The following RAP1B variants were observed in gnomAD, a reference collection of about 807,000 sequenced individuals.
The protein encoded by RAP1B is ras-related protein Rap-1b.
RAP1B carries 1 observed loss-of-function variant against 27.5 expected under a neutral mutation model. The observed-to-expected ratio is 0.04, with a 90% CI of 0.01 to 0.17. RAP1B has a LOEUF of 0.17. Ranked by LOEUF, RAP1B falls within the 10% of genes least tolerant of loss-of-function variation. The pLI is 1.00. For missense variants in RAP1B, 84 were observed against 214.8 expected (o/e 0.39, Z 3.81); for synonymous variants, 75 against 73.1 (o/e 1.03, Z -0.13).
intron 1 of RAP1B, among the ~76,000 whole-genome samples, chr12:68,622,139 C>T (rs13377938): frequency 0.052 from 7,927 of 152,196 alleles, 673 homozygotes; most frequent in African/African-American, 0.18. Context: ...CAAGTTAACT[C>T]CTCTCTTAGG....
At chr12:68,655,457 T>G (rs1378925082) in intron 5 of RAP1B, among the ~76,000 whole-genome samples, 2 of 152,070 alleles carry the variant, frequency 1.3e-5, no homozygotes, top group Non-Finnish European at 2.9e-5. Flanking sequence ...CCTACATAAT[T>G]ACAGCAACCT....
chr12:68,648,674 C>CTTT, intron 1 of RAP1B, 25 bp from the exon 2 acceptor site: 8 of 1,223,166 alleles, frequency 6.5e-6, no homozygotes, highest in South Asian at 4.1e-5. Flanking sequence ...ACTTAGAATT[C>CTTT]TTTTTTTTTT....
intron 1 of RAP1B, among the ~76,000 whole-genome samples, chr12:68,637,623 AAAAAAC>A (rs1462485780): frequency 8.0e-5 from 12 of 150,616 alleles, no homozygotes; most frequent in Non-Finnish European, 1.6e-4. Flanking sequence ...AAAAAAAAAA[AAAAAAC>A]AAGATGCCAG....
chr12:68,640,912 T>C (rs950455477), intron 1 of RAP1B: 3 of 152,382 alleles, frequency 2.0e-5, no homozygotes, highest in Middle Eastern at 3.4e-3. Flanking sequence ...AGAATTATTA[T>C]AGCATTCATT....
intron 1 of RAP1B, among the ~76,000 whole-genome samples, chr12:68,638,648 A>C (rs748364512): frequency 3.3e-5 from 5 of 152,070 alleles, no homozygotes; most frequent in Non-Finnish European, 7.4e-5. Flanking sequence ...TTTTATAGTA[A>C]TTAAGGAATC....
At chr12:68,648,569 G>C in intron 1 of RAP1B, 130 bp from the exon 2 acceptor site, 1 of 685,370 alleles carries the variant, frequency 1.5e-6, no homozygotes. Context: ...CTGCTTATAG[G>C]GTGCTCCATA....
At chr12:68,633,492 CAG>C (rs1872412152) in intron 1 of RAP1B, among the ~76,000 whole-genome samples, 1 of 152,188 alleles carries the variant, frequency 6.6e-6, no homozygotes, top group Admixed American at 6.5e-5. Context: ...ATTTATAAAA[CAG>C]AGTGTCTTCT....
chr12:68,638,348 A>C (rs970843067), intron 1 of RAP1B, among the ~76,000 whole-genome samples: 1 of 152,104 alleles, frequency 6.6e-6, no homozygotes, highest in African/African-American at 2.4e-5. Flanking sequence ...TCCGTGCCCT[A>C]ATTTTTAGTT....
In RAP1B at chr12:68,632,145, TGTTTG is replaced by T. The variant is rs368297056; in HGVS notation, c.-26-16553_-26-16549del. On this transcript the variant is annotated intron_variant, in intron 1 of 7. Coordinates refer to ENST00000250559, the MANE Select transcript of RAP1B (RefSeq NM_001010942.3). ...TTTGGATTTGTTTTTTTTTTTTTTT[TGTTTG>T]TTTTTTTTTTCCAGACTGTTTGGCT... Among the ~76,000 whole-genome samples, 332 of 113,154 alleles carry T rather than the reference TGTTTG, an allele frequency of 2.9e-3. 1 individual carries two copies. The highest frequency in any genetic ancestry group is 4.5e-3 in the Middle Eastern group (1 of 224). The allele number at this position is 113,154 out of a possible 152,430, so 74.2% of individuals were successfully genotyped here.
At chr12:68,620,468 C>G (rs1172944190) in intron 1 of RAP1B, among the ~76,000 whole-genome samples, 1 of 152,080 alleles carries the variant, frequency 6.6e-6, no homozygotes, top group Non-Finnish European at 1.5e-5. Flanking sequence ...GGTGATCCGC[C>G]CACCTCGGCC....
Position 68,671,234 on chromosome 12 carries a change from G to C in RAP1B, c.*11985G>C, listed in dbSNP as rs1007758296. 6.6e-6 allele frequency: 1 copy of C among 152,010 alleles called. No individual in the cohort carries two copies. The highest frequency in any genetic ancestry group is 1.5e-5 in the Non-Finnish European group (1 of 67,994). 9.4% of individuals were successfully genotyped at this position (152,010 alleles called of 1,614,324 possible). ...GAGAACACTACAGTCCCAGAAGAGA[G>C]GTAAAGGGCAAGAAATGAATCATTT... is the stretch of plus-strand genomic sequence containing the variant. On this transcript the variant is annotated 3_prime_UTR_variant, in exon 8 of 8. Transcript: ENST00000250559.
intron 1 of RAP1B, among the ~76,000 whole-genome samples, chr12:68,641,817 T>TA (rs1873030170): frequency 6.6e-6 from 1 of 151,552 alleles, no homozygotes; most frequent in East Asian, 1.9e-4. Flanking sequence ...GTGTAGAAAA[T>TA]ACTTTGAACA....
chr12:68,651,826 G>A (rs1048794779), intron 3 of RAP1B, 169 bp from the exon 4 acceptor site: 1 of 550,892 alleles, frequency 1.8e-6, no homozygotes. Flanking sequence ...TTTGAATCTT[G>A]ATTACTTAGC....
chr12:68,625,692 G>A (rs887153859), intron 1 of RAP1B, among the ~76,000 whole-genome samples: 3 of 152,142 alleles, frequency 2.0e-5, no homozygotes, highest in East Asian at 1.9e-4. Flanking sequence ...AGGCCGAGGC[G>A]GGTGGATCAT....
rs1874702842 is a variant in RAP1B, at chr12:68,663,242, T to C, written c.*3993T>C. On this transcript the variant is annotated 3_prime_UTR_variant, in exon 8 of 8. Transcript: ENST00000250559. ...CCACGCCTGGCTAATTTTGTATTTT[T>C]TGGTAGAGATGAGGTTTCTCCATGT... 1.3e-5 allele frequency: 2 copies of C among 152,032 alleles called. No homozygotes were observed. The highest frequency in any genetic ancestry group is 2.9e-5 in the Non-Finnish European group (2 of 68,030). 9.4% of individuals were successfully genotyped at this position (152,032 alleles called of 1,614,324 possible).
Position 68,668,313 on chromosome 12 carries a change from T to C in RAP1B, c.*9064T>C, listed in dbSNP as rs995391369. The C allele has an allele frequency of 6.6e-6, 1 of 152,180 alleles. No individual in the cohort carries two copies. Among genetic ancestry groups the C allele is most frequent in the African/African-American group, 2.4e-5 (1 of 41,456 alleles). The allele number at this position is 152,180 out of a possible 1,614,324, so 9.4% of individuals were successfully genotyped here. A position where few individuals can be genotyped will look rare whatever the true frequency, so the allele number is the denominator to read the frequency against. ...CTCCATACTGTATCAGAGGAGCCAG[T>C]TGCACAGTGTTGATCTCCCTAAGAC... On this transcript the variant is annotated 3_prime_UTR_variant, in exon 8 of 8. Coordinates refer to ENST00000250559, the MANE Select transcript of RAP1B (RefSeq NM_001010942.3).
chr12:68,624,519 T>C (rs1871609445), intron 1 of RAP1B: 1 of 152,212 alleles, frequency 6.6e-6, no homozygotes, highest in African/African-American at 2.4e-5. Flanking sequence ...CCAGACACGG[T>C]GGCTCACGTC....
intron 1 of RAP1B, chr12:68,627,297 A>G (rs1438586003): frequency 1.2e-6 from 1 of 830,362 alleles, no homozygotes; most frequent in Admixed American, 1.7e-5. Flanking sequence ...ATACACTACC[A>G]AGGAAGCTGC....
chr12:68,656,545 GTAA>G (rs766901876), intron 6 of RAP1B, 96 bp downstream of exon 6: 9 of 1,243,736 alleles, frequency 7.2e-6, no homozygotes, highest in Non-Finnish European at 1.0e-5. Context: ...TGTACTCAGG[GTAA>G]TATGTTGATG....
Sources: allele counts gnomAD v4.1 joint callset (sites outside exome capture counted in the v4.1 genomes callset), GRCh38; gene constraint gnomAD v4.1.1; transcripts MANE v1.5; gene names NCBI Gene and HGNC (gene_info 2026-07-23, HGNC 2026-07-21).